The following ARID5B variants were observed in gnomAD, a reference collection of about 807,000 sequenced individuals.
ARID5B encodes AT-rich interaction domain 5B.
ARID5B carries 13 observed loss-of-function variants against 97.2 expected under a neutral mutation model. The observed-to-expected ratio is 0.13, with a 90% CI of 0.09 to 0.21. The LOEUF (loss-of-function observed/expected upper bound fraction) is 0.21, where lower values mean the gene tolerates loss of function less well. ARID5B is among the 10% of genes least tolerant of loss of function. ARID5B has a pLI of 1.00. For missense variants in ARID5B, 1,210 were observed against 1,465.3 expected (o/e 0.83, Z 2.84); for synonymous variants, 556 against 570.3 (o/e 0.97, Z 0.36).
At chr10:61,935,445 T>C (rs1589225414) in intron 2 of ARID5B, among the ~76,000 whole-genome samples, 1 of 152,122 alleles carries the variant, frequency 6.6e-6, no homozygotes, top group African/African-American at 2.4e-5. Context: ...CATTATTCTT[T>C]GAGGCTGCTT....
At chr10:62,008,061 A>AACACAC (rs369982502) in intron 4 of ARID5B, among the ~76,000 whole-genome samples, 1,400 of 66,570 alleles carry the variant, frequency 0.021, 40 homozygotes, top group African/African-American at 0.059. Flanking sequence ...CCCGCCCCAC[A>AACACAC]ACACACACAC....
chr10:61,960,388 TTTTTA>T (rs1347931433), intron 3 of ARID5B, among the ~76,000 whole-genome samples: 6 of 152,174 alleles, frequency 3.9e-5, no homozygotes, highest in African/African-American at 1.4e-4. Flanking sequence ...TATGGCTTAA[TTTTTA>T]TATATAGGGT....
chr10:61,913,900 C>T (rs1018409073), intron 2 of ARID5B, among the ~76,000 whole-genome samples: 8 of 152,168 alleles, frequency 5.3e-5, no homozygotes, highest in Non-Finnish European at 1.2e-4. Context: ...TACAGGCATG[C>T]ACCACCATGT....
At chr10:62,045,472 A>C (rs1181827357) in intron 4 of ARID5B, among the ~76,000 whole-genome samples, 1 of 147,000 alleles carries the variant, frequency 6.8e-6, no homozygotes, top group Non-Finnish European at 1.5e-5. Context: ...TTTTAGACGA[A>C]GTCTTGCTCT....
chr10:61,981,457 T>A (rs558553198), intron 3 of ARID5B, among the ~76,000 whole-genome samples: 47 of 152,268 alleles, frequency 3.1e-4, no homozygotes, highest in Non-Finnish European at 6.3e-4. Flanking sequence ...AATTTTTATA[T>A]TTTTAATAGA....
intron 2 of ARID5B, among the ~76,000 whole-genome samples, chr10:61,919,043 C>CG (rs1843961439): frequency 8.4e-6 from 1 of 118,924 alleles, no homozygotes; most frequent in Non-Finnish European, 1.9e-5. Flanking sequence ...CCGTCCCCCC[C>CG]CCCCCCCCCA....
At chr10:62,083,290 A>G (rs2132974201) in intron 8 of ARID5B, among the ~76,000 whole-genome samples, 1 of 144,926 alleles carries the variant, frequency 6.9e-6, no homozygotes, top group Non-Finnish European at 1.5e-5. Context: ...GGGAGAAAAA[A>G]AAAAAAAAAT....
intron 4 of ARID5B, among the ~76,000 whole-genome samples, chr10:62,045,365 A>G (rs149403555): frequency 7.9e-4 from 120 of 152,330 alleles, no homozygotes; most frequent in African/African-American, 2.7e-3. Context: ...TGAAAATAGA[A>G]CACAGTAAAT....
chr10:62,014,760 G>T (rs2132883761), intron 4 of ARID5B, among the ~76,000 whole-genome samples: 1 of 152,184 alleles, frequency 6.6e-6, no homozygotes, highest in African/African-American at 2.4e-5. Context: ...TGAAAGCTAT[G>T]AATCTTCTCA....
rs372645651 is a variant in ARID5B, at chr10:61,972,941, A to G, written c.503-27150A>G. Among the ~76,000 whole-genome samples, 518 of 152,352 alleles carry G rather than the reference A, an allele frequency of 3.4e-3. 1 individual carries two copies. The highest frequency in any genetic ancestry group is 0.01 in the South Asian group (50 of 4,832). The stretch of plus-strand genomic sequence containing the variant: ...AACAAATTTATTATCAAGTTTCATG[A>G]GAAGTTGGGCAAACTTAGATATAGC... On this transcript the variant is annotated intron_variant, in intron 3 of 9. Coordinates refer to ENST00000279873, the MANE Select transcript of ARID5B (RefSeq NM_032199.3).
rs1488348953 is a variant in ARID5B, at chr10:62,091,684, A to G, written c.2221A>G (p.Thr741Ala). The G allele has an allele frequency of 6.2e-7, 1 of 1,614,058 alleles. No homozygotes were observed. Among genetic ancestry groups the G allele is most frequent in the Non-Finnish European group, 8.5e-7 (1 of 1,180,044 alleles). The part of the protein sequence containing the change: ...SLSQTHHGQS[T>A]DHMAVSRPSV... ...GTCCCAGACCCACCATGGCCAAAGC[A>G]CTGACCATATGGCGGTCAGCCGGCC... Residue 741 changes from threonine (T) to alanine (A), a missense_variant, in exon 10 of 10, where the codon ACT becomes GCT. Physicochemically the swap from Thr to Ala is moderately conservative, Grantham distance 58 (BLOSUM62 0). Coordinates refer to ENST00000279873, the MANE Select transcript of ARID5B (RefSeq NM_032199.3).
chr10:61,945,971 T>A (rs898122535), intron 3 of ARID5B, among the ~76,000 whole-genome samples: 2 of 148,812 alleles, frequency 1.3e-5, no homozygotes, highest in Admixed American at 6.7e-5. Context: ...TGTATATATA[T>A]AAATACATAT....
chr10:62,033,878 A>G (rs765053454), intron 4 of ARID5B, among the ~76,000 whole-genome samples: 1 of 152,334 alleles, frequency 6.6e-6, no homozygotes, highest in Non-Finnish European at 1.5e-5. Flanking sequence ...GCCCGAGGTC[A>G]TATAGTTGCC....
intron 2 of ARID5B, among the ~76,000 whole-genome samples, chr10:61,920,928 G>A: frequency 6.6e-6 from 1 of 152,114 alleles, no homozygotes; most frequent in East Asian, 1.9e-4. Context: ...CACATTGTTA[G>A]ATAGTATTCT....
At chr10:61,941,546 T>A (rs1222195104) in intron 3 of ARID5B, among the ~76,000 whole-genome samples, 1 of 152,012 alleles carries the variant, frequency 6.6e-6, no homozygotes, top group Non-Finnish European at 1.5e-5. Flanking sequence ...AGAACTTAAC[T>A]ATTACAACAA....
intron 4 of ARID5B, among the ~76,000 whole-genome samples, chr10:62,004,903 A>G (rs1306669049): frequency 6.6e-6 from 1 of 152,232 alleles, no homozygotes; most frequent in Non-Finnish European, 1.5e-5. Context: ...AGGCAGCTCA[A>G]TATATATAAA....
chr10:61,930,846 A>C (rs1589223636), intron 2 of ARID5B, among the ~76,000 whole-genome samples: 2 of 152,118 alleles, frequency 1.3e-5, no homozygotes, highest in Non-Finnish European at 2.9e-5. Context: ...TCCTTTTGGG[A>C]ACTGAGTATT....
intron 2 of ARID5B, among the ~76,000 whole-genome samples, chr10:61,922,941 A>G (rs1301663398): frequency 6.6e-6 from 1 of 152,222 alleles, no homozygotes; most frequent in Non-Finnish European, 1.5e-5. Context: ...GCTTTGAGAA[A>G]AAGGTAGTAT....
rs1361759959 is a variant in ARID5B, at chr10:61,998,374, C to T, written c.503-1717C>T. On this transcript the variant is annotated intron_variant, in intron 3 of 9. Coordinates refer to ENST00000279873, the MANE Select transcript of ARID5B (RefSeq NM_032199.3). ...AAGGGCTTGAAATATTGAGTGTTTT[C>T]CCTTTGGAGAAGCAAGTGACATGTC... 2.6e-5 allele frequency among the ~76,000 whole-genome samples: 4 copies of T among 152,138 alleles called. No homozygotes were observed. The South Asian group carries it at 8.3e-4, about 31-fold the overall frequency.
Sources: gnomAD v4.1 joint callset for allele counts (sites outside exome capture counted in the v4.1 genomes callset) on GRCh38, gnomAD v4.1.1 for gene constraint, MANE v1.5 for transcripts, NCBI Gene and HGNC (gene_info 2026-07-23, HGNC 2026-07-21) for gene names.